The following OXSR1 variants were observed in gnomAD, a reference collection of about 807,000 sequenced individuals.
OXSR1 encodes serine/threonine-protein kinase OSR1.
OXSR1 carries 24 observed loss-of-function variants against 79.8 expected under a neutral mutation model. The observed-to-expected ratio is 0.30, with a 90% CI of 0.22 to 0.42. The LOEUF is 0.42. OXSR1 is among the 10% of genes least tolerant of loss of function. The pLI is 1.00. For synonymous variants in OXSR1, 226 were observed against 209.2 expected (o/e 1.08, Z -0.69); for missense variants, 430 against 618.4 (o/e 0.70, Z 3.23).
At chr3:38,168,038 T>C (rs1701501848) in intron 1 of OXSR1, among the ~76,000 whole-genome samples, 1 of 152,134 alleles carries the variant, frequency 6.6e-6, no homozygotes. Flanking sequence ...TAATTTGGTG[T>C]CCTCAGACCC....
At chr3:38,208,985 T>TGTGTGTGTGC (rs1019752484) in intron 4 of OXSR1, among the ~76,000 whole-genome samples, 1 of 128,132 alleles carries the variant, frequency 7.8e-6, no homozygotes, top group East Asian at 2.2e-4. Flanking sequence ...TGTGTGTGTG[T>TGTGTGTGTGC]GCGCGCGCGC....
chr3:38,169,961 C>T (rs776340268), intron 1 of OXSR1, among the ~76,000 whole-genome samples: 1 of 151,540 alleles, frequency 6.6e-6, no homozygotes, highest in Admixed American at 6.6e-5. Flanking sequence ...AATTCCTGAT[C>T]GCTCAAGCGA....
At chr3:38,211,329 T>C (rs1311250594) in intron 4 of OXSR1, among the ~76,000 whole-genome samples, 3 of 152,170 alleles carry the variant, frequency 2.0e-5, no homozygotes, top group Non-Finnish European at 2.9e-5. Flanking sequence ...CCTATAACCC[T>C]AATGACTCCT....
intron 4 of OXSR1, among the ~76,000 whole-genome samples, chr3:38,203,229 A>T (rs908195302): frequency 6.6e-6 from 1 of 152,196 alleles, no homozygotes; most frequent in African/African-American, 2.4e-5. Context: ...CCTAAAAGGG[A>T]AGGGCCCCCT....
chr3:38,209,336 A>G (rs927318932), intron 4 of OXSR1, among the ~76,000 whole-genome samples: 1 of 151,384 alleles, frequency 6.6e-6, no homozygotes, highest in African/African-American at 2.4e-5. Context: ...CTCCTGCCTC[A>G]GACTCCCAAA....
chr3:38,223,823 T>C lies in OXSR1; in HGVS notation c.612T>C (p.Tyr204=). The C allele has an allele frequency of 6.2e-7, 1 of 1,609,520 alleles. No individual in the cohort carries two copies. Among genetic ancestry groups the C allele is most frequent in the Non-Finnish European group, 8.5e-7 (1 of 1,176,912 alleles). ...APEVMEQVRG[Y]DFKADIWSFG... is the part of the protein sequence containing the mutation. ...AATCTGTTTTGCAGGTCCGTGGTTA[T>C]GATTTCAAAGCTGATATTTGGAGTT... is the stretch of plus-strand genomic sequence containing the variant. Residue 204 remains tyrosine, a synonymous_variant, in exon 7 of 18, where the codon TAT becomes TAC. Coordinates refer to ENST00000311806, the MANE Select transcript of OXSR1 (RefSeq NM_005109.3).
intron 11 of OXSR1, among the ~76,000 whole-genome samples, chr3:38,239,853 C>T (rs886637093): frequency 6.6e-6 from 1 of 152,178 alleles, no homozygotes; most frequent in Non-Finnish European, 1.5e-5. Context: ...GGTTCCACCT[C>T]CCTGTGCCAC....
At chr3:38,224,045 AT>A (rs1429228604) in intron 7 of OXSR1, 132 bp downstream of exon 7, 2 of 568,068 alleles carry the variant, frequency 3.5e-6, no homozygotes, top group Non-Finnish European at 6.2e-6. Flanking sequence ...ATCTTTAACC[AT>A]TTTGAATATA....
chr3:38,198,613 TGCACAG>T, intron 3 of OXSR1, 103 bp from the exon 4 acceptor site: 1 of 726,288 alleles, frequency 1.4e-6, no homozygotes. Flanking sequence ...TTTTCATTTC[TGCACAG>T]TTAAGTTTAT....
rs929481103 is a variant in OXSR1, at chr3:38,243,604, GT to G, written c.1110+830del. Among the ~76,000 whole-genome samples, 10 of 152,232 alleles carry G rather than the reference GT, an allele frequency of 6.6e-5. No homozygotes were observed. In the East Asian group the frequency reaches 1.7e-3, roughly 26 times the overall value. On this transcript the variant is annotated intron_variant, in intron 12 of 17. Transcript: ENST00000311806. ...ATCTTCATTCTGAGCTCAGTATTTG[GT>G]TTTAACACATCTCTTACTCTTAAAC... is the stretch of plus-strand genomic sequence containing the variant.
chr3:38,212,614 G>A (rs1356089384), intron 4 of OXSR1, among the ~76,000 whole-genome samples: 1 of 152,190 alleles, frequency 6.6e-6, no homozygotes, highest in East Asian at 1.9e-4. Context: ...TAATAAAAAT[G>A]TTATGGGCAG....
intron 1 of OXSR1, among the ~76,000 whole-genome samples, chr3:38,180,748 G>A (rs1412369893): frequency 1.3e-5 from 2 of 151,740 alleles, no homozygotes; most frequent in African/African-American, 4.8e-5. Flanking sequence ...CGCCCAGGCT[G>A]GTCTTGAACT....
chr3:38,236,997 T>G lies in OXSR1; in HGVS notation c.1074+36T>G, dbSNP rs755803644. On this transcript the variant is annotated intron_variant, in intron 11 of 17. Transcript: ENST00000311806. Reference sequence around the variant, plus strand: ...TTAAACTGTGTACTTTAGCTAGAACTTTTTGTAGTTCTTGTTCAGCTTAAC... The same window carrying G: ...TTAAACTGTGTACTTTAGCTAGAACGTTTTGTAGTTCTTGTTCAGCTTAAC... The G allele has an allele frequency of 1.1e-5, 18 of 1,575,782 alleles. No homozygotes were observed. In the African/African-American group the frequency reaches 2.2e-4, roughly 19 times the overall value.
At chr3:38,181,042 G>A (rs1323027163) in intron 1 of OXSR1, among the ~76,000 whole-genome samples, 1 of 151,900 alleles carries the variant, frequency 6.6e-6, no homozygotes, top group Admixed American at 6.6e-5. Flanking sequence ...TACATTTTTG[G>A]GAGGCCCGTT....
intron 4 of OXSR1, among the ~76,000 whole-genome samples, chr3:38,211,714 C>T (rs1702392243): frequency 6.6e-6 from 1 of 152,166 alleles, no homozygotes; most frequent in African/African-American, 2.4e-5. Flanking sequence ...ACCTGAGCCC[C>T]CTAGCCATTT....
rs189100198 is a variant in OXSR1 at position 38,171,100 on chromosome 3, T to G, written c.70+5154T>G. ...CCAAGGGAAGTATCTATCCTTAGAG[T>G]GAAAAAAATCTGATGGATGTTCCAC... On this transcript the variant is annotated intron_variant, in intron 1 of 17. Transcript: ENST00000311806. Among the ~76,000 whole-genome samples, 504 of 152,190 alleles carry G rather than the reference T, an allele frequency of 3.3e-3. 2 individuals are homozygous for G. The highest frequency in any genetic ancestry group is 5.2e-3 in the Non-Finnish European group (354 of 68,004).
intron 3 of OXSR1, among the ~76,000 whole-genome samples, chr3:38,193,640 C>G (rs1375280359): frequency 6.9e-6 from 1 of 145,966 alleles, no homozygotes; most frequent in Non-Finnish European, 1.5e-5. Context: ...TTAAGAATTC[C>G]TGTTCCTCTC....
chr3:38,247,112 G>T (rs1703157148), intron 13 of OXSR1, among the ~76,000 whole-genome samples: 1 of 152,088 alleles, frequency 6.6e-6, no homozygotes, highest in South Asian at 2.1e-4. Context: ...TATGGGAAAA[G>T]ATACAGTTGT....
intron 11 of OXSR1, among the ~76,000 whole-genome samples, chr3:38,240,592 A>G (rs1703012074): frequency 6.6e-6 from 1 of 152,226 alleles, no homozygotes; most frequent in South Asian, 2.1e-4. Flanking sequence ...ATTCCCCACT[A>G]AAGGGAAGCA....
Sources: gnomAD v4.1 joint callset for allele counts (sites outside exome capture counted in the v4.1 genomes callset) on GRCh38, gnomAD v4.1.1 for gene constraint, MANE v1.5 for transcripts, NCBI Gene and HGNC (gene_info 2026-07-23, HGNC 2026-07-21) for gene names.